Variants in CRACR2A observed in about 807,000 individuals in gnomAD.
CRACR2A encodes calcium release activated channel regulator 2A, also known as EF-hand calcium-binding domain-containing protein 4B.
A neutral mutation model predicts 90.5 loss-of-function variants in CRACR2A; 79 were observed. The observed-to-expected ratio is 0.87, with a 90% CI of 0.73 to 1.05. The LOEUF is 1.05. Among genes scored for constraint, CRACR2A ranks in the 50% least tolerant of loss-of-function variants. The pLI, the probability that CRACR2A is intolerant of heterozygous loss-of-function variation, is 0.00. For synonymous variants in CRACR2A, 338 were observed against 356.7 expected (o/e 0.95, Z 0.59); for missense variants, 823 against 897.2 (o/e 0.92, Z 1.06).
At position 3,631,243 on chromosome 12, in the gene CRACR2A, G is replaced by A. The variant is rs1425778449; in HGVS notation, c.1735+2361C>T. On this transcript the variant is annotated intron_variant, in intron 15 of 19. Coordinates refer to ENST00000440314, the MANE Select transcript of CRACR2A (RefSeq NM_001144958.2). ...TGATATTTTTTCCCCTTCCTAAATT[G>A]GAGGGTGTTTCCATAATTGGCCTCC... 4.6e-5 allele frequency among the ~76,000 whole-genome samples: 7 copies of A among 152,326 alleles called. No individual in the cohort carries two copies. The East Asian group carries it at 1.4e-3, about 29-fold the overall frequency.
intron 4 of CRACR2A, among the ~76,000 whole-genome samples, chr12:3,690,071 T>C (rs1307956436): frequency 1.3e-5 from 2 of 152,062 alleles, no homozygotes; most frequent in Non-Finnish European, 2.9e-5. Context: ...TAATGATCTA[T>C]CTATTTTATT....
intron 7 of CRACR2A, among the ~76,000 whole-genome samples, chr12:3,665,843 G>A (rs953822432): frequency 6.6e-6 from 1 of 152,228 alleles, no homozygotes; most frequent in Non-Finnish European, 1.5e-5. Context: ...AAGTGTTGAT[G>A]AAGCCCTTCT....
At chr12:3,642,171 C>G (rs952891714) in intron 12 of CRACR2A, among the ~76,000 whole-genome samples, 2 of 152,092 alleles carry the variant, frequency 1.3e-5, no homozygotes, top group African/African-American at 4.8e-5. Context: ...ATACATATTT[C>G]TAATGCATCT....
intron 2 of CRACR2A, chr12:3,730,251 A>C (rs920309429): frequency 2.6e-5 from 4 of 151,954 alleles, no homozygotes; most frequent in African/African-American, 9.7e-5. Flanking sequence ...CCTCCTTAAT[A>C]CTCTATGAGA....
intron 4 of CRACR2A, among the ~76,000 whole-genome samples, chr12:3,687,182 AT>A (rs1945573568): frequency 6.9e-6 from 1 of 145,908 alleles, no homozygotes; most frequent in African/African-American, 2.6e-5. Flanking sequence ...CTCTCATCCC[AT>A]TTTCTTTTTT....
intron 2 of CRACR2A, among the ~76,000 whole-genome samples, chr12:3,724,176 G>A (rs1009090292): frequency 1.3e-5 from 2 of 152,052 alleles, no homozygotes. Flanking sequence ...CCTTAAGGCC[G>A]TATTATACTC....
intron 1 of CRACR2A, among the ~76,000 whole-genome samples, chr12:3,751,088 T>C (rs1423665207): frequency 1.3e-5 from 2 of 152,220 alleles, no homozygotes; most frequent in African/African-American, 4.8e-5. Context: ...AAAATCCCCA[T>C]CCCACCACTT....
chr12:3,685,839 A>C (rs867551343), intron 4 of CRACR2A, among the ~76,000 whole-genome samples: 12 of 152,214 alleles, frequency 7.9e-5, no homozygotes, highest in African/African-American at 2.9e-4. Context: ...GAATGTACTT[A>C]ATGTCACTGA....
intron 4 of CRACR2A, among the ~76,000 whole-genome samples, chr12:3,690,930 T>C (rs1160494068): frequency 1.3e-5 from 2 of 152,242 alleles, no homozygotes; most frequent in Non-Finnish European, 2.9e-5. Flanking sequence ...TCTTTGTCTT[T>C]CTTGGTTTAA....
intron 2 of CRACR2A, among the ~76,000 whole-genome samples, chr12:3,721,447 A>G (rs1381962891): frequency 6.6e-6 from 1 of 152,066 alleles, no homozygotes; most frequent in East Asian, 1.9e-4. Context: ...AGAAAAAACT[A>G]GCCAAGTGCA....
At chr12:3,740,800 GTGA>G (rs1946513162) in intron 1 of CRACR2A, among the ~76,000 whole-genome samples, 1 of 152,200 alleles carries the variant, frequency 6.6e-6, no homozygotes, top group Non-Finnish European at 1.5e-5. Context: ...TACTAGCCAT[GTGA>G]CCTCGAGCAA....
rs1439622869 is a variant in CRACR2A, at chr12:3,627,801, C to G, written c.1736-95G>C. ...ATGCTTCCAACATCTGAAATCACAT[C>G]AGGCCCAAGGTGACAACCCTCCATG... On this transcript the variant is annotated intron_variant, in intron 15 of 19. Transcript: ENST00000440314. 8 of 1,291,140 alleles carry G rather than the reference C, an allele frequency of 6.2e-6. No homozygotes were observed. The Admixed American group carries it at 7.9e-5, about 13-fold the overall frequency. 80.0% of individuals were successfully genotyped at this position (1,291,140 alleles called of 1,614,324 possible).
At chr12:3,688,444 G>A (rs547076186) in intron 4 of CRACR2A, among the ~76,000 whole-genome samples, 2 of 152,290 alleles carry the variant, frequency 1.3e-5, no homozygotes, top group South Asian at 2.1e-4. Flanking sequence ...ATTGAATAGG[G>A]AGTCCTTTCC....
chr12:3,628,740 T>C (rs1475076100), intron 15 of CRACR2A, among the ~76,000 whole-genome samples: 2 of 152,178 alleles, frequency 1.3e-5, no homozygotes, highest in African/African-American at 2.4e-5. Context: ...CTTTAGGGCA[T>C]CTCCCGCAAC....
At chr12:3,646,798 T>C (rs1944694526) in intron 11 of CRACR2A, among the ~76,000 whole-genome samples, 3 of 152,318 alleles carry the variant, frequency 2.0e-5, no homozygotes, top group African/African-American at 7.2e-5. Flanking sequence ...TCCTGCTTTG[T>C]GGCTTCCTGC....
intron 7 of CRACR2A, among the ~76,000 whole-genome samples, chr12:3,670,576 G>A (rs1320978115): frequency 6.6e-6 from 1 of 152,150 alleles, no homozygotes; most frequent in Non-Finnish European, 1.5e-5. Flanking sequence ...TGAGTTACAA[G>A]TGCCTTTATA....
intron 13 of CRACR2A, 130 bp from the exon 14 acceptor site, chr12:3,638,584 G>A: frequency 9.1e-7 from 1 of 1,103,088 alleles, no homozygotes; most frequent in Non-Finnish European, 1.3e-6. Flanking sequence ...CAGTCCGGGA[G>A]AGGGAAAAAC....
chr12:3,714,406 C>T (rs1334864766), intron 2 of CRACR2A, among the ~76,000 whole-genome samples: 2 of 152,314 alleles, frequency 1.3e-5, no homozygotes, highest in South Asian at 2.1e-4. Context: ...GTCCCCTGCT[C>T]CACTGGCATT....
intron 17 of CRACR2A, among the ~76,000 whole-genome samples, chr12:3,626,065 T>C (rs896092858): frequency 6.6e-6 from 1 of 152,226 alleles, no homozygotes; most frequent in Admixed American, 6.5e-5. Flanking sequence ...TTTTCTCATT[T>C]GTAAGTGCGT....
Sources: gnomAD v4.1 joint callset for allele counts (sites outside exome capture counted in the v4.1 genomes callset) on GRCh38, gnomAD v4.1.1 for gene constraint, MANE v1.5 for transcripts, NCBI Gene and HGNC (gene_info 2026-07-23, HGNC 2026-07-21) for gene names.